The following NRG1 variants were observed in gnomAD, a reference collection of about 807,000 sequenced individuals.
NRG1 encodes the protein neuregulin 1, also known as pro-neuregulin-1, membrane-bound isoform.
A neutral mutation model predicts 63.8 loss-of-function variants in NRG1; 18 were observed. That is an observed-to-expected ratio of 0.28 (90% CI 0.19 to 0.42). NRG1 has a LOEUF of 0.42. Among genes scored for constraint, NRG1 ranks in the 10% least tolerant of loss-of-function variants. The pLI is 1.00. For synonymous variants in NRG1, 302 were observed against 301.3 expected (o/e 1.00, Z -0.02); for missense variants, 762 against 814.7 (o/e 0.94, Z 0.79).
rs1586543622 is a variant in NRG1 at position 32,022,925 on chromosome 8, C to T, written c.37+383494C>T. 2.0e-5 allele frequency among the ~76,000 whole-genome samples: 3 copies of T among 152,274 alleles called. No individual in the cohort carries two copies. In the South Asian group the frequency reaches 6.2e-4, roughly 32 times the overall value. ...TTTAACAGACTCACCATTTAATGTGCACGGGAGCACAGATTTCAAAATTTG... is the reference window on the plus strand; with the variant it reads ...TTTAACAGACTCACCATTTAATGTGTACGGGAGCACAGATTTCAAAATTTG... On this transcript the variant is annotated intron_variant, in intron 1 of 10. Coordinates refer to the NRG1 transcript ENST00000519301.
At position 32,420,699 on chromosome 8, in the gene NRG1, C is replaced by T. The variant is rs1239360805; in HGVS notation, c.38-175129C>T. On this transcript the variant is annotated intron_variant, in intron 1 of 10. Transcript: ENST00000519301. ...AGTGCTTGACAATGTAGGGATTTGTCAGGTTTTAATCCAAATAGGGCTTTA... is the reference window on the plus strand; with the variant it reads ...AGTGCTTGACAATGTAGGGATTTGTTAGGTTTTAATCCAAATAGGGCTTTA... Among the ~76,000 whole-genome samples, 6 of 152,116 alleles carry T rather than the reference C, an allele frequency of 3.9e-5. No individual in the cohort carries two copies. In the South Asian group the frequency reaches 1.0e-3, roughly 26 times the overall value.
chr8:31,966,877 A>G (rs1463371562), intron 1 of NRG1, among the ~76,000 whole-genome samples: 1 of 152,158 alleles, frequency 6.6e-6, no homozygotes, highest in Non-Finnish European at 1.5e-5. Context: ...CCATGAAATC[A>G]TAGCTAAAGT....
At chr8:32,006,293 A>C (rs895824337) in intron 1 of NRG1, among the ~76,000 whole-genome samples, 1 of 152,030 alleles carries the variant, frequency 6.6e-6, no homozygotes, top group East Asian at 1.9e-4. Flanking sequence ...AAAGGTCATT[A>C]TTGTTTAGGC....
At chr8:32,733,448 A>G (rs2976531) in intron 6 of NRG1, among the ~76,000 whole-genome samples, 1 of 151,756 alleles carries the variant, frequency 6.6e-6, no homozygotes, top group Non-Finnish European at 1.5e-5. Flanking sequence ...TAAAATATTT[A>G]TCAAACGTAT....
intron 1 of NRG1, among the ~76,000 whole-genome samples, chr8:32,350,451 A>G (rs917852052): frequency 6.6e-6 from 1 of 152,174 alleles, no homozygotes; most frequent in Non-Finnish European, 1.5e-5. Flanking sequence ...TTAGTTTACA[A>G]CTAACAAAGT....
At chr8:32,433,880 C>T (rs1230035039) in intron 1 of NRG1, among the ~76,000 whole-genome samples, 1 of 152,100 alleles carries the variant, frequency 6.6e-6, no homozygotes, top group Non-Finnish European at 1.5e-5. Flanking sequence ...TGCATGATAA[C>T]TGGGCAGTTT....
intron 5 of NRG1, among the ~76,000 whole-genome samples, chr8:32,712,550 A>G (rs997495965): frequency 3.3e-5 from 5 of 152,238 alleles, no homozygotes; most frequent in Admixed American, 2.6e-4. Context: ...AGTGCTACAC[A>G]TAAAAATTCT....
chr8:32,336,953 G>A (rs1432662849), intron 1 of NRG1, among the ~76,000 whole-genome samples: 5 of 152,066 alleles, frequency 3.3e-5, no homozygotes, highest in Non-Finnish European at 7.4e-5. Context: ...AGCCATTTGA[G>A]GGATTTCAGC....
At chr8:32,105,061 A>G (rs554734902) in intron 1 of NRG1, among the ~76,000 whole-genome samples, 1 of 152,180 alleles carries the variant, frequency 6.6e-6, no homozygotes, top group South Asian at 2.1e-4. Context: ...AGACTCATAC[A>G]AGTGGTAGTG....
chr8:32,570,494 G>T (rs1838343099), intron 1 of NRG1, among the ~76,000 whole-genome samples: 2 of 152,060 alleles, frequency 1.3e-5, no homozygotes, highest in South Asian at 4.1e-4. Context: ...GAAAGGGCCT[G>T]CTTTTAAATA....
intron 1 of NRG1, among the ~76,000 whole-genome samples, chr8:31,825,198 G>GCTAA (rs1322163804): frequency 6.6e-6 from 1 of 152,084 alleles, no homozygotes; most frequent in Non-Finnish European, 1.5e-5. Flanking sequence ...GACCATCCTG[G>GCTAA]CTAACATGGT....
At chr8:32,420,055 C>T (rs1020232185) in intron 1 of NRG1, among the ~76,000 whole-genome samples, 3 of 152,180 alleles carry the variant, frequency 2.0e-5, no homozygotes, top group African/African-American at 7.2e-5. Context: ...AGAAGGCAAT[C>T]CTCTTATGAG....
At chr8:32,711,080 CAT>C (rs879416034) in intron 5 of NRG1, among the ~76,000 whole-genome samples, 16 of 152,130 alleles carry the variant, frequency 1.1e-4, no homozygotes, top group Admixed American at 2.0e-4. Context: ...TACAAGGTGA[CAT>C]ATATAGTTCT....
At chr8:32,328,426 ATCT>A (rs1802264804) in intron 1 of NRG1, among the ~76,000 whole-genome samples, 1 of 146,370 alleles carries the variant, frequency 6.8e-6, no homozygotes, top group Non-Finnish European at 1.5e-5. Context: ...AAAATTTAAC[ATCT>A]TTTTTTTTTT....
intron 5 of NRG1, among the ~76,000 whole-genome samples, chr8:32,681,519 T>C (rs570479686): frequency 2.2e-4 from 34 of 152,256 alleles, no homozygotes; most frequent in African/African-American, 7.9e-4. Flanking sequence ...CAAAGTGTTG[T>C]CAATATTATA....
chr8:32,198,158 A>G (rs753166377), intron 1 of NRG1, among the ~76,000 whole-genome samples: 1 of 151,976 alleles, frequency 6.6e-6, no homozygotes, highest in African/African-American at 2.4e-5. Flanking sequence ...GGCATTTTTT[A>G]TTGTTTCCTT....
chr8:31,817,522 T>C (rs570270449), intron 1 of NRG1, among the ~76,000 whole-genome samples: 2 of 152,334 alleles, frequency 1.3e-5, no homozygotes, highest in Admixed American at 1.3e-4. Flanking sequence ...CATTTGCATT[T>C]GAATGGGGGA....
At chr8:31,680,426 A>C (rs1808207170) in intron 1 of NRG1, among the ~76,000 whole-genome samples, 1 of 152,002 alleles carries the variant, frequency 6.6e-6, no homozygotes, top group Non-Finnish European at 1.5e-5. Context: ...TTTACTGAGA[A>C]TGATGACTTC....
intron 1 of NRG1, among the ~76,000 whole-genome samples, chr8:31,947,256 C>T (rs1022731988): frequency 3.4e-5 from 5 of 148,644 alleles, no homozygotes; most frequent in African/African-American, 7.6e-5. Flanking sequence ...GCTGAGATTG[C>T]GCCACTGCAG....
Sources: gnomAD v4.1 joint callset for allele counts (sites outside exome capture counted in the v4.1 genomes callset) on GRCh38, gnomAD v4.1.1 for gene constraint, MANE v1.5 for transcripts, NCBI Gene and HGNC (gene_info 2026-07-23, HGNC 2026-07-21) for gene names.